ADGRL3: variants seen among roughly 807,000 people sequenced by gnomAD.
The protein encoded by ADGRL3 is calcium-independent alpha-latrotoxin receptor 3.
Under a neutral mutation model 153.5 loss-of-function variants are expected in ADGRL3, and 62 were observed. The ratio of observed to expected loss-of-function variants is 0.40; its 90% CI spans 0.33 to 0.50. The LOEUF is 0.50. Ranked by LOEUF, ADGRL3 falls within the 20% of genes least tolerant of loss-of-function variation. ADGRL3 has a pLI of 0.47. For missense variants in ADGRL3, 1,641 were observed against 1,859.4 expected (o/e 0.88, Z 2.16); for synonymous variants, 710 against 672.5 (o/e 1.06, Z -0.86).
At chr4:61,392,550 G>A (rs2096821964) in intron 2 of ADGRL3, among the ~76,000 whole-genome samples, 1 of 151,528 alleles carries the variant, frequency 6.6e-6, no homozygotes, top group Non-Finnish European at 1.5e-5. Flanking sequence ...GCTGGGCATG[G>A]TGGCTTGTGC....
At chr4:61,867,514 G>GTATATATATATATATATATATATATA (rs2098408070) in intron 9 of ADGRL3, among the ~76,000 whole-genome samples, 1 of 15,224 alleles carries the variant, frequency 6.6e-5, no homozygotes, top group Admixed American at 9.0e-4. Flanking sequence ...AAATATATAT[G>GTATATATATATATATATATATATATA]CATATATATA....
chr4:61,617,173 T>G (rs2092096194), intron 5 of ADGRL3, among the ~76,000 whole-genome samples: 1 of 152,192 alleles, frequency 6.6e-6, no homozygotes, highest in African/African-American at 2.4e-5. Context: ...TCAGGTGGTC[T>G]GCATTGTTCA....
rs536630126 is a variant in ADGRL3, at chr4:61,580,458, A to T, written c.260-6769A>T. 9.9e-5 allele frequency among the ~76,000 whole-genome samples: 15 copies of T among 152,232 alleles called. No homozygotes were observed. In the South Asian group the frequency reaches 1.9e-3, roughly 19 times the overall value. On this transcript the variant is annotated intron_variant, in intron 4 of 26. Transcript: ENST00000683033. ...TCTTTCATTTATTTGGTAATTTTTCAATATCTATCTAACAGTTTCAGTGTC... is the reference window on the plus strand; with the variant it reads ...TCTTTCATTTATTTGGTAATTTTTCTATATCTATCTAACAGTTTCAGTGTC...
intron 5 of ADGRL3, among the ~76,000 whole-genome samples, chr4:61,667,006 A>C (rs1351492813): frequency 1.3e-5 from 2 of 152,184 alleles, no homozygotes; most frequent in South Asian, 2.1e-4. Flanking sequence ...TTTTCCAAGC[A>C]ATGTATGTGA....
chr4:61,742,606 C>A (rs1262193760), intron 8 of ADGRL3, among the ~76,000 whole-genome samples: 2 of 151,984 alleles, frequency 1.3e-5, no homozygotes, highest in Non-Finnish European at 2.9e-5. Context: ...AAGTAGTGTT[C>A]AAATACCTTG....
chr4:61,540,848 C>CA, intron 4 of ADGRL3, among the ~76,000 whole-genome samples: 1 of 152,006 alleles, frequency 6.6e-6, no homozygotes, highest in African/African-American at 2.4e-5. Context: ...TTAGGAACAG[C>CA]AAGGGGCATC....
chr4:61,558,687 C>T, intron 4 of ADGRL3, among the ~76,000 whole-genome samples: 1 of 151,918 alleles, frequency 6.6e-6, no homozygotes, highest in Non-Finnish European at 1.5e-5. Context: ...ATCTATCTAT[C>T]TCTTTCACTA....
At chr4:61,769,623 G>C (rs1378441411) in intron 8 of ADGRL3, among the ~76,000 whole-genome samples, 1 of 152,126 alleles carries the variant, frequency 6.6e-6, no homozygotes, top group Admixed American at 6.5e-5. Flanking sequence ...CTGGGTGCAG[G>C]CAGGCTGAGT....
At chr4:61,587,757 A>C (rs2098952229) in intron 5 of ADGRL3, among the ~76,000 whole-genome samples, 1 of 152,064 alleles carries the variant, frequency 6.6e-6, no homozygotes, top group Non-Finnish European at 1.5e-5. Flanking sequence ...AATTTGCAAA[A>C]ATAAGATTTT....
intron 1 of ADGRL3, among the ~76,000 whole-genome samples, chr4:61,224,866 G>A (rs1259009803): frequency 6.6e-6 from 1 of 152,184 alleles, no homozygotes. Flanking sequence ...GTCTTCTGTA[G>A]GGGCGATGGA....
chr4:61,963,603 T>C (rs149126789), intron 17 of ADGRL3, among the ~76,000 whole-genome samples: 199 of 152,342 alleles, frequency 1.3e-3, no homozygotes, highest in African/African-American at 4.6e-3. Flanking sequence ...TTATTCTTTT[T>C]ATGGCTGCAT....
At chr4:61,988,795 A>G (rs17292149) in intron 19 of ADGRL3, among the ~76,000 whole-genome samples, 20,316 of 152,140 alleles carry the variant, frequency 0.13, 1,726 homozygotes, top group East Asian at 0.25. Flanking sequence ...GGTAAAGCCC[A>G]GAGAATTGTC....
At chr4:61,336,786 A>T (rs1055849826) in intron 1 of ADGRL3, among the ~76,000 whole-genome samples, 2 of 151,264 alleles carry the variant, frequency 1.3e-5, no homozygotes, top group East Asian at 2.0e-4. Flanking sequence ...GCAAAGCTTC[A>T]TGATATCTGG....
chr4:61,736,373 G>A (rs906990447), intron 8 of ADGRL3, among the ~76,000 whole-genome samples: 2 of 152,102 alleles, frequency 1.3e-5, no homozygotes, highest in Admixed American at 6.5e-5. Context: ...GCTATTGAAG[G>A]CTGGGCGTGG....
At chr4:62,009,806 C>T (rs2099175518) in intron 21 of ADGRL3, among the ~76,000 whole-genome samples, 1 of 152,134 alleles carries the variant, frequency 6.6e-6, no homozygotes, top group South Asian at 2.1e-4. Flanking sequence ...CTTTAGGCAG[C>T]AGGTGCCAGT....
chr4:61,652,631 G>A (rs181405411), intron 5 of ADGRL3, among the ~76,000 whole-genome samples: 3 of 152,128 alleles, frequency 2.0e-5, no homozygotes, highest in African/African-American at 7.2e-5. Flanking sequence ...GCCATATTAT[G>A]GTGTATATTT....
chr4:61,558,318 G>A (rs2098778041), intron 4 of ADGRL3, among the ~76,000 whole-genome samples: 1 of 151,098 alleles, frequency 6.6e-6, no homozygotes. Context: ...GTGTTCCTGG[G>A]ATCCTTTCTT....
At chr4:61,373,031 G>A (rs914099775) in intron 1 of ADGRL3, among the ~76,000 whole-genome samples, 4 of 152,160 alleles carry the variant, frequency 2.6e-5, no homozygotes, top group Admixed American at 6.5e-5. Context: ...TTAGGAAAGG[G>A]AACTCCCTGA....
chr4:61,366,618 G>A (rs2096402580), intron 1 of ADGRL3, among the ~76,000 whole-genome samples: 1 of 152,162 alleles, frequency 6.6e-6, no homozygotes, highest in African/African-American at 2.4e-5. Context: ...GTCTTTGACT[G>A]CAGTGAAGTA....
Sources: allele counts gnomAD v4.1 joint callset (sites outside exome capture counted in the v4.1 genomes callset), GRCh38; gene constraint gnomAD v4.1.1; transcripts MANE v1.5; gene names NCBI Gene and HGNC (gene_info 2026-07-23, HGNC 2026-07-21).